TENM4: variants seen among roughly 807,000 people sequenced by gnomAD.
TENM4 encodes teneurin transmembrane protein 4.
In TENM4, 82 loss-of-function variants were observed where a neutral mutation model predicts 243.3. That is an observed-to-expected ratio of 0.34 (90% CI 0.28 to 0.40). TENM4 has a LOEUF of 0.40. TENM4 is among the 10% of genes least tolerant of loss of function. The probability of loss-of-function intolerance (pLI) is 1.00; values close to 1 mark genes in which losing one functional copy is unlikely to be tolerated. For synonymous variants in TENM4, 1,412 were observed against 1,456.3 expected (o/e 0.97, Z 0.69); for missense variants, 3,138 against 3,673.3 (o/e 0.85, Z 3.77).
chr11:79,380,310 G>GA (rs113989429), intron 1 of TENM4, among the ~76,000 whole-genome samples: 58 of 145,268 alleles, frequency 4.0e-4, no homozygotes, highest in South Asian at 1.1e-3. Context: ...ACAGTGTAGG[G>GA]AAAAAAAAAA....
In TENM4 at chr11:78,676,913, C is replaced by T. The variant is rs147839471; in HGVS notation, c.5261-526G>A. Among the ~76,000 whole-genome samples, 1,109 of 152,218 alleles carry T rather than the reference C, an allele frequency of 7.3e-3. 8 individuals carry two copies. Among genetic ancestry groups the T allele is most frequent in the Non-Finnish European group, 0.01 (701 of 68,028 alleles). On this transcript the variant is annotated intron_variant, in intron 29 of 33. Transcript: ENST00000278550. ...TAAAAGGCTACATATTGTCTGACTC[C>T]ACTTATATGAAATGTCCAGAATAGG...
intron 18 of TENM4, among the ~76,000 whole-genome samples, chr11:78,760,589 T>C (rs1856408415): frequency 6.6e-6 from 1 of 152,344 alleles, no homozygotes; most frequent in African/African-American, 2.4e-5. Context: ...ACTGCAAGCA[T>C]GGGACCCAGC....
At chr11:79,305,743 T>C (rs1226676700) in intron 1 of TENM4, among the ~76,000 whole-genome samples, 1 of 152,194 alleles carries the variant, frequency 6.6e-6, no homozygotes, top group Non-Finnish European at 1.5e-5. Context: ...ATAATCAGTC[T>C]GGCTGCATTC....
At chr11:79,029,085 C>G (rs1859159895) in intron 6 of TENM4, among the ~76,000 whole-genome samples, 1 of 152,070 alleles carries the variant, frequency 6.6e-6, no homozygotes, top group Non-Finnish European at 1.5e-5. Flanking sequence ...ATATTTTTCC[C>G]CTCGCATCTT....
intron 2 of TENM4, among the ~76,000 whole-genome samples, chr11:79,216,732 C>T (rs541523605): frequency 6.6e-6 from 1 of 152,198 alleles, no homozygotes; most frequent in South Asian, 2.1e-4. Context: ...CAGCAGGAGG[C>T]CTTTACCAGA....
At chr11:78,662,335 T>G (rs1017835325) in intron 32 of TENM4, among the ~76,000 whole-genome samples, 3 of 151,868 alleles carry the variant, frequency 2.0e-5, no homozygotes, top group South Asian at 2.1e-4. Context: ...GGATTATAGG[T>G]GCCCGTCACC....
At chr11:79,117,773 A>C (rs1190980618) in intron 4 of TENM4, among the ~76,000 whole-genome samples, 1 of 152,224 alleles carries the variant, frequency 6.6e-6, no homozygotes, top group Non-Finnish European at 1.5e-5. Flanking sequence ...CAAGTCATTT[A>C]ACCTTTCTAC....
Position 79,077,883 on chromosome 11 carries a change from T to A in TENM4, c.-65-7874A>T, listed in dbSNP as rs553777576. 2.3e-3 allele frequency among the ~76,000 whole-genome samples: 350 copies of A among 152,222 alleles called. 2 individuals are homozygous for A. The highest frequency in any genetic ancestry group is 5.1e-3 in the African/African-American group (212 of 41,518). On this transcript the variant is annotated intron_variant, in intron 4 of 33. Coordinates refer to ENST00000278550, the MANE Select transcript of TENM4 (RefSeq NM_001098816.3). The stretch of plus-strand genomic sequence containing the variant: ...GGTAGGGAGCGTGCCCTGCAGCTAG[T>A]TTTCAGAGGCCCTGCTGCCTTGGGA...
intron 2 of TENM4, among the ~76,000 whole-genome samples, chr11:79,284,668 C>T (rs771541473): frequency 8.6e-5 from 13 of 151,990 alleles, no homozygotes; most frequent in Admixed American, 6.6e-4. Flanking sequence ...ACACCAAAAG[C>T]ACAAGTGACA....
intron 15 of TENM4, among the ~76,000 whole-genome samples, chr11:78,794,117 C>G (rs1157062482): frequency 2.0e-5 from 3 of 152,206 alleles, no homozygotes; most frequent in Non-Finnish European, 4.4e-5. Flanking sequence ...TGTGTAATCA[C>G]CTAACCAGCT....
intron 19 of TENM4, among the ~76,000 whole-genome samples, chr11:78,747,597 C>T (rs1285893580): frequency 6.6e-6 from 1 of 152,160 alleles, no homozygotes; most frequent in Admixed American, 6.5e-5. Flanking sequence ...CTGGATCTCT[C>T]CCCTCTAGCA....
At chr11:78,728,198 G>A (rs1855568071) in intron 22 of TENM4, among the ~76,000 whole-genome samples, 2 of 152,184 alleles carry the variant, frequency 1.3e-5, no homozygotes, top group Non-Finnish European at 2.9e-5. Flanking sequence ...TGCTCCCACT[G>A]TGCCCTTCTT....
At chr11:78,726,053 T>G (rs758340174) in intron 23 of TENM4, 26 bp downstream of exon 23, 9 of 1,612,932 alleles carry the variant, frequency 5.6e-6, no homozygotes, top group Non-Finnish European at 5.9e-6. Context: ...CCAGCCTGGT[T>G]CAAGTAATTC....
At chr11:79,243,979 G>A (rs901920562) in intron 2 of TENM4, among the ~76,000 whole-genome samples, 1 of 152,192 alleles carries the variant, frequency 6.6e-6, no homozygotes, top group African/African-American at 2.4e-5. Flanking sequence ...GAGCCTGAGA[G>A]TGCATTTCCA....
At chr11:78,989,803 T>C (rs1591187041) in intron 6 of TENM4, among the ~76,000 whole-genome samples, 1 of 152,094 alleles carries the variant, frequency 6.6e-6, no homozygotes, top group Non-Finnish European at 1.5e-5. Flanking sequence ...CCTGTAATCC[T>C]AGCACTTTGG....
chr11:79,012,468 C>T (rs1858671025), intron 6 of TENM4, among the ~76,000 whole-genome samples: 1 of 152,136 alleles, frequency 6.6e-6, no homozygotes, highest in African/African-American at 2.4e-5. Context: ...TTTGTAATAA[C>T]CCTGAGCCCA....
At chr11:78,905,395 C>T (rs1489141177) in intron 6 of TENM4, among the ~76,000 whole-genome samples, 1 of 152,046 alleles carries the variant, frequency 6.6e-6, no homozygotes, top group South Asian at 2.1e-4. Flanking sequence ...GTGGGGAATT[C>T]GGGAAAGGGG....
At chr11:78,994,827 G>C (rs1156683078) in intron 6 of TENM4, among the ~76,000 whole-genome samples, 1 of 152,204 alleles carries the variant, frequency 6.6e-6, no homozygotes, top group African/African-American at 2.4e-5. Context: ...ACAGAGACTT[G>C]TCCTAATGGA....
At chr11:78,899,574 A>AGGGGGGG in intron 7 of TENM4, among the ~76,000 whole-genome samples, 1 of 71,568 alleles carries the variant, frequency 1.4e-5, no homozygotes, top group African/African-American at 4.2e-5. Context: ...GGGGGGGGAA[A>AGGGGGGG]AAGAAAAAAG....
Sources: allele counts gnomAD v4.1 joint callset (sites outside exome capture counted in the v4.1 genomes callset), GRCh38; gene constraint gnomAD v4.1.1; transcripts MANE v1.5; gene names NCBI Gene and HGNC (gene_info 2026-07-23, HGNC 2026-07-21).